FCHSD1: variants seen among roughly 807,000 people sequenced by gnomAD.
FCHSD1 encodes the protein FCH and double SH3 domains 1.
In FCHSD1, 109 loss-of-function variants were observed where a neutral mutation model predicts 101.3. The ratio of observed to expected loss-of-function variants is 1.08; its 90% CI spans 0.92 to 1.26. The LOEUF (loss-of-function observed/expected upper bound fraction) is 1.26, where lower values mean the gene tolerates loss of function less well. Among genes scored for constraint, FCHSD1 ranks in the 50% most tolerant of loss-of-function variants. FCHSD1 has a pLI of 0.00. For missense variants in FCHSD1, 820 were observed against 895.8 expected, an observed-to-expected ratio of 0.92 and a Z score of 1.08; for synonymous variants, 291 against 356.8, an observed-to-expected ratio of 0.82 and a Z score of 2.08.
At chr5:141,645,183 C>G (rs773784917) in intron 13 of FCHSD1, 35 bp from the exon 14 acceptor site, 1 of 1,516,002 alleles carries the variant, frequency 6.6e-7, no homozygotes, top group Non-Finnish European at 8.8e-7. Context: ...ATATGGGGCC[C>G]ACTCTCAAGC....
chr5:141,651,398 G>C lies in FCHSD1; in HGVS notation c.-30C>G. Reference sequence around the variant, plus strand: ...GCTCCAGCAAGGCGGTCAGCCACTGGACTCCGGAACTGGAGGAAGCCCCGC... The same window carrying C: ...GCTCCAGCAAGGCGGTCAGCCACTGCACTCCGGAACTGGAGGAAGCCCCGC... On this transcript the variant is annotated 5_prime_UTR_variant, in exon 1 of 20. Transcript: ENST00000435817. 6.4e-7 allele frequency: 1 copy of C among 1,551,414 alleles called. No homozygotes were observed. Among genetic ancestry groups the C allele is most frequent in the Non-Finnish European group, 8.7e-7 (1 of 1,147,192 alleles).
chr5:141,640,136 A>G lies in FCHSD1; in HGVS notation c.*1362T>C, dbSNP rs574587182. On this transcript the variant is annotated 3_prime_UTR_variant, in exon 20 of 20. Coordinates refer to ENST00000435817, the MANE Select transcript of FCHSD1 (RefSeq NM_033449.3). ...TAGCCAGCCCCCCAGTACAGAATGGAGGACTCAGGGACAGCAGCCTAACCC... is the reference window on the plus strand; with the variant it reads ...TAGCCAGCCCCCCAGTACAGAATGGGGGACTCAGGGACAGCAGCCTAACCC... The G allele has an allele frequency of 6.2e-7, 1 of 1,613,960 alleles. No homozygotes were observed. The highest frequency in any genetic ancestry group is 1.7e-5 in the Admixed American group (1 of 60,002).
chr5:141,647,327 A>T, intron 9 of FCHSD1, 71 bp downstream of exon 9: 1 of 1,568,376 alleles, frequency 6.4e-7, no homozygotes, highest in Non-Finnish European at 8.7e-7. Context: ...TGTGTGAAGC[A>T]AAGAGGGCTG....
At chr5:141,644,976 G>A in intron 14 of FCHSD1, 34 bp from the exon 15 acceptor site, 1 of 1,613,902 alleles carries the variant, frequency 6.2e-7, no homozygotes, top group Non-Finnish European at 8.5e-7. Flanking sequence ...GGACTTGGCT[G>A]TCCCCCACCC....
chr5:141,648,127 C>G (rs985572776), intron 7 of FCHSD1, 31 bp from the exon 8 acceptor site: 1 of 1,579,750 alleles, frequency 6.3e-7, no homozygotes, highest in African/African-American at 1.3e-5. Flanking sequence ...CAATAGGAAG[C>G]CCTAGACCCC....
At chr5:141,650,476 C>CCT in intron 2 of FCHSD1, 72 bp from the exon 3 acceptor site, 1 of 1,600,778 alleles carries the variant, frequency 6.2e-7, no homozygotes, top group Non-Finnish European at 8.6e-7. Context: ...CATCCTCAGT[C>CCT]CTCTACTCTG....
intron 3 of FCHSD1, 86 bp downstream of exon 3, chr5:141,650,273 C>T (rs2099908206): frequency 1.9e-6 from 3 of 1,567,864 alleles, no homozygotes; most frequent in Non-Finnish European, 8.8e-7. Flanking sequence ...TGCTCTTGAC[C>T]ACAATAGGGA....
chr5:141,640,310 C>G lies in FCHSD1; in HGVS notation c.*1188G>C. ...CTGATCACCAGGTAGGAAAACACAG[C>G]CGGGACTGCACTGGGCTGGGCTCTT... On this transcript the variant is annotated 3_prime_UTR_variant, in exon 20 of 20. Coordinates refer to ENST00000435817, the MANE Select transcript of FCHSD1 (RefSeq NM_033449.3). 6.2e-7 allele frequency: 1 copy of G among 1,613,652 alleles called. No homozygotes were observed. Among genetic ancestry groups the G allele is most frequent in the Non-Finnish European group, 8.5e-7 (1 of 1,179,728 alleles).
At chr5:141,642,690 G>C in intron 18 of FCHSD1, 2 of 546,778 alleles carry the variant, frequency 3.7e-6, no homozygotes, top group South Asian at 4.9e-5. Flanking sequence ...CTTACTGTGT[G>C]CCAGGCACAA....
At position 141,650,594 on chromosome 5, in the gene FCHSD1, G is replaced by A. The variant is rs369252983; in HGVS notation, c.120-190C>T. 1.7e-4 allele frequency among the ~76,000 whole-genome samples: 26 copies of A among 152,124 alleles called. No individual in the cohort carries two copies. The East Asian group carries it at 4.3e-3, about 25-fold the overall frequency. On this transcript the variant is annotated intron_variant, in intron 2 of 19. Transcript: ENST00000435817. ...GATCACCTCGGGCAGCTGCAACACA[G>A]GAAACCCTCACCTTACTGCCCCGGG...
rs2099906614 is a variant in FCHSD1 at position 141,639,771 on chromosome 5, T to A, written c.*1727A>T. 3 of 1,289,626 alleles carry A rather than the reference T, an allele frequency of 2.3e-6. No individual in the cohort carries two copies. Among genetic ancestry groups the A allele is most frequent in the Non-Finnish European group, 2.2e-6 (2 of 917,242 alleles). The allele number at this position is 1,289,626 out of a possible 1,614,324, so 79.9% of individuals were successfully genotyped here. A position where few individuals can be genotyped will look rare whatever the true frequency, so the allele number is the denominator to read the frequency against. On this transcript the variant is annotated 3_prime_UTR_variant, in exon 20 of 20. Transcript: ENST00000435817. This position sits in a 1 kb window ranked among gnomAD's most constrained non-coding sequence, Gnocchi z 4.4. ...CTGGGAGCTCCGGCAGAAGTCAGGC[T>A]ACACAATGTGCCCCACAATCTGAGA...
At position 141,649,147 on chromosome 5, in the gene FCHSD1, G is replaced by A; in HGVS notation, c.512+25C>T. 6.2e-7 allele frequency: 1 copy of A among 1,613,870 alleles called. No homozygotes were observed. Among genetic ancestry groups the A allele is most frequent in the Non-Finnish European group, 8.5e-7 (1 of 1,179,846 alleles). On this transcript the variant is annotated intron_variant, in intron 6 of 19. Coordinates refer to ENST00000435817, the MANE Select transcript of FCHSD1 (RefSeq NM_033449.3). The surrounding 1 kb of genome is among the most constrained non-coding windows in gnomAD (Gnocchi z 4.1). ...CCACCTCCCTGTTCCCCAACCTTGG[G>A]CTTCCTCACTCTCCATGACCCCACC...
In FCHSD1 at chr5:141,641,063, T is replaced by C; in HGVS notation, c.*435A>G. ...TTGTCAATAAATCCGCTCAGACCAT[T>C]ACAGCTGCTTCGCATCCTGGCTCCA... On this transcript the variant is annotated 3_prime_UTR_variant, in exon 20 of 20. Coordinates refer to ENST00000435817, the MANE Select transcript of FCHSD1 (RefSeq NM_033449.3). 1 of 311,750 alleles carries C rather than the reference T, an allele frequency of 3.2e-6. No homozygotes were observed. The highest frequency in any genetic ancestry group is 5.9e-6 in the Non-Finnish European group (1 of 169,716). 19.3% of individuals were successfully genotyped at this position (311,750 alleles called of 1,614,324 possible). A position where few individuals can be genotyped will look rare whatever the true frequency, so the allele number is the denominator to read the frequency against.
In FCHSD1 at chr5:141,644,106, A is replaced by G. The variant is rs1350597011; in HGVS notation, c.1863+112T>C. The G allele has an allele frequency of 1.1e-5, 11 of 1,033,598 alleles. No individual in the cohort carries two copies. In the Admixed American group the frequency reaches 1.6e-4, roughly 15 times the overall value. 64.0% of individuals were successfully genotyped at this position (1,033,598 alleles called of 1,614,324 possible). On this transcript the variant is annotated intron_variant, in intron 17 of 19. Transcript: ENST00000435817. Reference sequence around the variant, plus strand: ...GGAGATGGGAGGCCCAGGCCACTGTAGGAGGTAAAACTGGGGAGCAGAGGA... The same window carrying G: ...GGAGATGGGAGGCCCAGGCCACTGTGGGAGGTAAAACTGGGGAGCAGAGGA...
intron 8 of FCHSD1, 108 bp from the exon 9 acceptor site, chr5:141,647,628 G>A: frequency 2.0e-6 from 3 of 1,521,294 alleles, no homozygotes; most frequent in Non-Finnish European, 2.7e-6. Context: ...AGGAAGGAGA[G>A]AAGAAGACAT....
intron 7 of FCHSD1, 122 bp downstream of exon 7, chr5:141,648,834 AC>A: frequency 8.9e-7 from 1 of 1,119,092 alleles, no homozygotes; most frequent in South Asian, 1.3e-5. Context: ...AAGGTTACCC[AC>A]CCAGGAAGTA....
At position 141,651,041 on chromosome 5, in the gene FCHSD1, G is replaced by A; in HGVS notation, c.98C>T (p.Ala33Val). The A allele has an allele frequency of 6.3e-7, 1 of 1,595,426 alleles. No individual in the cohort carries two copies. The highest frequency in any genetic ancestry group is 8.5e-7 in the Non-Finnish European group (1 of 1,170,488). The change falls in exon 2 of 20, where the codon GCG becomes GTG. Residue 33 changes from alanine to valine, a missense_variant. Ala to Val is a moderately conservative substitution (Grantham distance 64). Transcript: ENST00000435817. The part of the protein sequence containing the change: ...SILQTWQQRE[A>V]DLLEDIRSYS... ...CTACCTGATGTCCTCCAGCAGATCC[G>A]CCTCCCTCTGCTGCCAGGTCTGAAG...
At chr5:141,650,543 G>A in intron 2 of FCHSD1, 139 bp from the exon 3 acceptor site, 1 of 918,434 alleles carries the variant, frequency 1.1e-6, no homozygotes, top group East Asian at 2.5e-5. Context: ...ACACCCAGAG[G>A]GAATGGGACT....
intron 8 of FCHSD1, 101 bp from the exon 9 acceptor site, chr5:141,647,621 AAGGAG>A: frequency 1.3e-6 from 2 of 1,539,086 alleles, no homozygotes; most frequent in African/African-American, 1.4e-5. Context: ...GAGGTATAGG[AAGGAG>A]AGAAGAAGAC....
Sources: allele counts gnomAD v4.1 joint callset (sites outside exome capture counted in the v4.1 genomes callset), GRCh38; gene constraint gnomAD v4.1.1; non-coding constraint Gnocchi (gnomAD v3.1); transcripts MANE v1.5; gene names NCBI Gene and HGNC (gene_info 2026-07-23, HGNC 2026-07-21).